NKAIN3: variants seen among roughly 807,000 people sequenced by gnomAD.
The protein encoded by NKAIN3 is sodium/potassium-transporting ATPase subunit beta-1-interacting protein 3.
NKAIN3 carries 25 observed loss-of-function variants against 30.2 expected under a neutral mutation model. The observed-to-expected ratio is 0.83, with a 90% CI of 0.60 to 1.16. NKAIN3 has a LOEUF of 1.16. Ranked by LOEUF, NKAIN3 falls within the 50% of genes most tolerant of loss-of-function variation. The pLI is 0.00. For missense variants in NKAIN3, 225 were observed against 254.1 expected, an observed-to-expected ratio of 0.89 and a Z score of 0.78; for synonymous variants, 91 against 89.6, an observed-to-expected ratio of 1.02 and a Z score of -0.09.
At chr8:62,353,183 AC>A (rs1816235103) in intron 1 of NKAIN3, among the ~76,000 whole-genome samples, 1 of 152,176 alleles carries the variant, frequency 6.6e-6, no homozygotes, top group Non-Finnish European at 1.5e-5. Context: ...TGGTACATAT[AC>A]CCAGGTGAAC....
At chr8:62,683,160 A>T (rs2130423234) in intron 3 of NKAIN3, among the ~76,000 whole-genome samples, 1 of 152,190 alleles carries the variant, frequency 6.6e-6, no homozygotes, top group East Asian at 1.9e-4. Flanking sequence ...CAGCATCCTG[A>T]GTAGCTGGGA....
intron 3 of NKAIN3, among the ~76,000 whole-genome samples, chr8:62,629,941 T>C (rs1296454949): frequency 6.6e-6 from 1 of 152,114 alleles, no homozygotes; most frequent in African/African-American, 2.4e-5. Flanking sequence ...TTATCTGTGG[T>C]TTTACTTTCC....
At chr8:62,795,548 G>A (rs942949222) in intron 4 of NKAIN3, among the ~76,000 whole-genome samples, 1 of 152,044 alleles carries the variant, frequency 6.6e-6, no homozygotes, top group Admixed American at 6.6e-5. Context: ...GCTATAGAAC[G>A]TTCAGCTAGA....
At chr8:62,819,756 G>A (rs975693104) in intron 4 of NKAIN3, among the ~76,000 whole-genome samples, 3 of 151,944 alleles carry the variant, frequency 2.0e-5, no homozygotes, top group South Asian at 2.1e-4. Context: ...TGATTTTATC[G>A]GCTCTGAAAT....
chr8:62,310,166 A>G (rs1814381599), intron 1 of NKAIN3, among the ~76,000 whole-genome samples: 1 of 150,456 alleles, frequency 6.6e-6, no homozygotes, highest in African/African-American at 2.5e-5. Flanking sequence ...GTGAGAGACA[A>G]TAACATGCTG....
At chr8:62,754,579 C>A (rs974368148) in intron 4 of NKAIN3, among the ~76,000 whole-genome samples, 1 of 152,150 alleles carries the variant, frequency 6.6e-6, no homozygotes, top group African/African-American at 2.4e-5. Flanking sequence ...CTTTAACAAA[C>A]CTTTGGAGGT....
intron 3 of NKAIN3, among the ~76,000 whole-genome samples, chr8:62,616,834 T>C (rs1326158499): frequency 6.6e-6 from 1 of 152,082 alleles, no homozygotes; most frequent in Non-Finnish European, 1.5e-5. Context: ...TAAAATAAAC[T>C]CGGCAATATA....
chr8:62,550,810 A>T (rs1809181028), intron 1 of NKAIN3, among the ~76,000 whole-genome samples: 1 of 152,198 alleles, frequency 6.6e-6, no homozygotes, highest in Non-Finnish European at 1.5e-5. Context: ...CAAGAAGAAG[A>T]GTTCAGATAT....
In NKAIN3 at chr8:62,518,317, G is replaced by A. The variant is rs529267275; in HGVS notation, c.55-61222G>A. On this transcript the variant is annotated intron_variant, in intron 1 of 6. Coordinates refer to ENST00000623646, the MANE Select transcript of NKAIN3 (RefSeq NM_001304533.3). The stretch of plus-strand genomic sequence containing the variant: ...AGAGGTTGCAGTGAGCTAAGATTGC[G>A]CCACTGCACTCCAGGCTGAGCAAAA... Among the ~76,000 whole-genome samples, 140 of 152,214 alleles carry A rather than the reference G, an allele frequency of 9.2e-4. 2 individuals are homozygous for A. In the South Asian group the frequency reaches 0.028, roughly 30 times the overall value.
intron 1 of NKAIN3, among the ~76,000 whole-genome samples, chr8:62,350,973 A>C (rs776443556): frequency 5.3e-5 from 8 of 152,010 alleles, no homozygotes; most frequent in Non-Finnish European, 1.0e-4. Context: ...TACAGGCATG[A>C]GCCACCGTGC....
intron 4 of NKAIN3, among the ~76,000 whole-genome samples, chr8:62,759,827 G>A (rs1586168699): frequency 1.3e-5 from 2 of 152,220 alleles, no homozygotes; most frequent in South Asian, 2.1e-4. Context: ...AGAGTGAACA[G>A]GCAACCTACA....
chr8:62,644,270 A>G (rs1812393184), intron 3 of NKAIN3, among the ~76,000 whole-genome samples: 1 of 151,938 alleles, frequency 6.6e-6, no homozygotes, highest in Non-Finnish European at 1.5e-5. Context: ...AGGTCTTTTT[A>G]TTGTCTTTAT....
intron 4 of NKAIN3, among the ~76,000 whole-genome samples, chr8:62,810,112 G>A (rs2130711999): frequency 6.6e-6 from 1 of 152,234 alleles, no homozygotes; most frequent in South Asian, 2.1e-4. Context: ...TGAGAGACAG[G>A]AACTCAGCTG....
At chr8:62,556,959 A>T (rs574849730) in intron 1 of NKAIN3, among the ~76,000 whole-genome samples, 1 of 152,094 alleles carries the variant, frequency 6.6e-6, no homozygotes, top group African/African-American at 2.4e-5. Context: ...TTATTTCGGT[A>T]GGTTATTGAG....
chr8:62,417,895 C>A (rs1804500998), intron 1 of NKAIN3, among the ~76,000 whole-genome samples: 1 of 151,978 alleles, frequency 6.6e-6, no homozygotes, highest in Non-Finnish European at 1.5e-5. Flanking sequence ...GGGTAATTTG[C>A]AGGATGTTGT....
intron 4 of NKAIN3, among the ~76,000 whole-genome samples, chr8:62,812,172 C>T (rs1255390091): frequency 6.6e-6 from 1 of 151,836 alleles, no homozygotes; most frequent in African/African-American, 2.4e-5. Context: ...TTTCTGGATT[C>T]CCCTTTTTGT....
At chr8:62,352,103 G>T (rs569820719) in intron 1 of NKAIN3, among the ~76,000 whole-genome samples, 2 of 152,284 alleles carry the variant, frequency 1.3e-5, no homozygotes, top group East Asian at 3.9e-4. Context: ...ATTGGAGAGA[G>T]GACATATTAG....
chr8:62,256,257 A>T (rs890674219), intron 1 of NKAIN3, among the ~76,000 whole-genome samples: 210 of 152,122 alleles, frequency 1.4e-3, no homozygotes, highest in African/African-American at 4.8e-3. Context: ...TATAAAAAAA[A>T]AATTTAAAAA....
chr8:62,548,954 G>A (rs2129926504), intron 1 of NKAIN3, among the ~76,000 whole-genome samples: 1 of 152,108 alleles, frequency 6.6e-6, no homozygotes, highest in East Asian at 1.9e-4. Context: ...AAGAAGCTAT[G>A]ATAAGTAATA....
Sources: allele counts gnomAD v4.1 joint callset (sites outside exome capture counted in the v4.1 genomes callset), GRCh38; gene constraint gnomAD v4.1.1; transcripts MANE v1.5; gene names NCBI Gene and HGNC (gene_info 2026-07-23, HGNC 2026-07-21).